AGAP3: variants seen among roughly 807,000 people sequenced by gnomAD.
AGAP3 encodes arf-GAP with GTPase, ANK repeat and PH domain-containing protein 3.
In AGAP3, 24 loss-of-function variants were observed where a neutral mutation model predicts 96.9. That is an observed-to-expected ratio of 0.25 (90% CI 0.18 to 0.35). The LOEUF is 0.35. AGAP3 is among the 10% of genes least tolerant of loss of function. AGAP3 has a pLI of 1.00. For missense variants in AGAP3, 876 were observed against 1,254.2 expected, an observed-to-expected ratio of 0.70 and a Z score of 4.55; for synonymous variants, 563 against 536.1, an observed-to-expected ratio of 1.05 and a Z score of -0.69.
chr7:151,139,776 A>G lies in AGAP3; in HGVS notation c.1667-203A>G. The G allele has an allele frequency of 2.3e-6, 1 of 427,542 alleles. No individual in the cohort carries two copies. Among genetic ancestry groups the G allele is most frequent in the Non-Finnish European group, 4.0e-6 (1 of 248,814 alleles). 26.5% of individuals were successfully genotyped at this position (427,542 alleles called of 1,614,324 possible). A position where few individuals can be genotyped will look rare whatever the true frequency, so the allele number is the denominator to read the frequency against. On this transcript the variant is annotated intron_variant, in intron 12 of 17. Coordinates refer to ENST00000397238, the MANE Select transcript of AGAP3 (RefSeq NM_031946.7). This position sits in a 1 kb window ranked among gnomAD's most constrained non-coding sequence, Gnocchi z 4.9. The stretch of plus-strand genomic sequence containing the variant: ...TGCCTAAGTTTCCTATTCTCTTTCC[A>G]CATTTTCCTCCTCCAAGGCTGGGGA...
chr7:151,131,771 G>A (rs549600756), intron 10 of AGAP3, among the ~76,000 whole-genome samples: 28 of 152,332 alleles, frequency 1.8e-4, no homozygotes, highest in Non-Finnish European at 3.2e-4. Flanking sequence ...AGTCCCCCCT[G>A]CAACTCTTCT....
Position 151,138,267 on chromosome 7 carries a change from G to A in AGAP3, c.1620G>A (p.Gln540=), listed in dbSNP as rs886663051. ...QRSCSVSSAD[Q]WSEATTSLPP... is the part of the protein sequence containing the mutation. ...CCTGCTCCGTTTCCAGCGCCGACCA[G>A]TGGAGTGAGGCCACCACTTCCCTGC... Residue 540 remains glutamine, a synonymous_variant, in exon 12 of 18, where the codon CAG becomes CAA. Coordinates refer to ENST00000397238, the MANE Select transcript of AGAP3 (RefSeq NM_031946.7). 6 of 1,612,870 alleles carry A rather than the reference G, an allele frequency of 3.7e-6. No individual in the cohort carries two copies. In the East Asian group the frequency reaches 1.1e-4, roughly 30 times the overall value.
In AGAP3 at chr7:151,086,915, C is replaced by A. The variant is rs766154681; in HGVS notation, c.174C>A (p.Pro58=). The A allele has an allele frequency of 5.1e-6, 8 of 1,582,182 alleles. No homozygotes were observed. The highest frequency in any genetic ancestry group is 2.4e-5 in the East Asian group (1 of 40,968). ...GPSQQLAGGP[P]QQFALSNSAA... Reference sequence around the variant, plus strand: ...CGCAGCAGCTGGCCGGCGGGCCCCCCCAGCAGTTCGCGCTCTCCAACTCCG... The same window carrying A: ...CGCAGCAGCTGGCCGGCGGGCCCCCACAGCAGTTCGCGCTCTCCAACTCCG... The change falls in exon 1 of 18, where the codon CCC becomes CCA. Residue 58 remains proline (P), a synonymous_variant. Coordinates refer to ENST00000397238, the MANE Select transcript of AGAP3 (RefSeq NM_031946.7).
intron 1 of AGAP3, among the ~76,000 whole-genome samples, chr7:151,092,807 T>C (rs1276329050): frequency 1.3e-5 from 2 of 152,190 alleles, no homozygotes; most frequent in Admixed American, 1.3e-4. Flanking sequence ...TTGCCTTGCA[T>C]GTATGGGCTG....
intron 9 of AGAP3, among the ~76,000 whole-genome samples, chr7:151,125,227 GACACACTTC>G (rs1350852101): frequency 6.6e-6 from 1 of 152,198 alleles, no homozygotes; most frequent in Admixed American, 6.5e-5. Context: ...TGGGTGTGTA[GACACACTTC>G]ACCGAATTCA....
chr7:151,116,891 G>GT (rs1563471612), intron 2 of AGAP3, 40 bp downstream of exon 2: 20 of 1,551,466 alleles, frequency 1.3e-5, no homozygotes, highest in East Asian at 2.3e-5. Flanking sequence ...GCCTGGAGCT[G>GT]GGGGGGCGAG....
intron 1 of AGAP3, among the ~76,000 whole-genome samples, chr7:151,098,527 C>T (rs1327491511): frequency 6.6e-6 from 1 of 151,952 alleles, no homozygotes; most frequent in African/African-American, 2.4e-5. Flanking sequence ...GTGGCGTGCG[C>T]CTATAGTCCC....
Position 151,120,262 on chromosome 7 carries a change from A to T in AGAP3, c.1128+117A>T, listed in dbSNP as rs1585080700. ...CCCAAGTCAGGAAGACGGTACCTGC[A>T]GTCTCTCCCTCAGATACACACGGCT... On this transcript the variant is annotated intron_variant, in intron 8 of 17. Transcript: ENST00000397238. The T allele has an allele frequency of 2.7e-6, 3 of 1,101,794 alleles. No individual in the cohort carries two copies. In the East Asian group the frequency reaches 7.5e-5, roughly 28 times the overall value. 68.3% of individuals were successfully genotyped at this position (1,101,794 alleles called of 1,614,324 possible). A position where few individuals can be genotyped will look rare whatever the true frequency, so the allele number is the denominator to read the frequency against.
Position 151,117,747 on chromosome 7 carries a change from G to A in AGAP3, c.676G>A (p.Glu226Lys). 1.2e-6 allele frequency: 2 copies of A among 1,614,136 alleles called. No homozygotes were observed. Among genetic ancestry groups the A allele is most frequent in the Non-Finnish European group, 1.7e-6 (2 of 1,180,012 alleles). Residue 226 changes from glutamate (E) to lysine (K), a missense_variant, in exon 5 of 18, where the codon GAG (glutamate) becomes AAG (lysine). Glu to Lys is a moderately conservative substitution (Grantham distance 56). Around this residue, in one of 8 missense-constraint regions of AGAP3, gnomAD observed 131 missense variants for 304.5 expected, o/e 0.43. Coordinates refer to ENST00000397238, the MANE Select transcript of AGAP3 (RefSeq NM_031946.7). ...LRLCSFRNAS[E>K]VPMVLVGTQD... ...TCTCTGCAGCTTCCGCAACGCCAGC[G>A]AGGTGCCCATGGTGCTTGTGGGCAC... is the stretch of plus-strand genomic sequence containing the variant.
intron 1 of AGAP3, among the ~76,000 whole-genome samples, chr7:151,103,974 C>G (rs984682769): frequency 6.6e-6 from 1 of 152,176 alleles, no homozygotes; most frequent in Non-Finnish European, 1.5e-5. Flanking sequence ...ACACCCGGTT[C>G]CTCCACGGGA....
chr7:151,089,122 C>T (rs1798278053), intron 1 of AGAP3, among the ~76,000 whole-genome samples: 2 of 151,870 alleles, frequency 1.3e-5, no homozygotes, highest in Admixed American at 6.6e-5. Context: ...CCACCTCACC[C>T]GTCTTGCGTT....
chr7:151,123,924 A>AT (rs1800043606), intron 9 of AGAP3, 38 bp downstream of exon 9: 1 of 1,585,170 alleles, frequency 6.3e-7, no homozygotes, highest in Non-Finnish European at 8.6e-7. Flanking sequence ...AGGGCTCAGA[A>AT]TGAGGCCCAG....
chr7:151,120,487 G>A (rs1216522510), intron 8 of AGAP3: 2 of 661,814 alleles, frequency 3.0e-6, no homozygotes, highest in South Asian at 3.0e-5. Context: ...GACTCACTTG[G>A]CCTAACTCCC....
intron 10 of AGAP3, among the ~76,000 whole-genome samples, chr7:151,130,626 G>A (rs1181320412): frequency 6.6e-6 from 1 of 152,104 alleles, no homozygotes; most frequent in Non-Finnish European, 1.5e-5. Context: ...TGCACTGTGC[G>A]AGTCTTAGAA....
chr7:151,142,374 G>A lies in AGAP3; in HGVS notation c.2051-38G>A. On this transcript the variant is annotated intron_variant, in intron 15 of 17. Coordinates refer to ENST00000397238, the MANE Select transcript of AGAP3 (RefSeq NM_031946.7). This position sits in a 1 kb window ranked among gnomAD's most constrained non-coding sequence, Gnocchi z 7.5. ...TAGTTGTCCCGCGCTCTGGTGGCCTGCCTGCTGTCGCTGTATCATTCTCCT... is the reference window on the plus strand; with the variant it reads ...TAGTTGTCCCGCGCTCTGGTGGCCTACCTGCTGTCGCTGTATCATTCTCCT... The A allele has an allele frequency of 3.1e-6, 5 of 1,603,106 alleles. No individual in the cohort carries two copies. The highest frequency in any genetic ancestry group is 4.3e-6 in the Non-Finnish European group (5 of 1,171,444).
chr7:151,123,206 GC>G, intron 8 of AGAP3: 1 of 1,076,478 alleles, frequency 9.3e-7, no homozygotes. Flanking sequence ...CGCCGCCGCC[GC>G]CGCGCTTGCC....
At position 151,142,072 on chromosome 7, in the gene AGAP3, G is replaced by A; in HGVS notation, c.1959+20G>A. ...GACAAGGTGGGTACAGAGTGACTGG[G>A]CCCACACAGAGCACCTGGCTGGGGT... On this transcript the variant is annotated intron_variant, in intron 14 of 17. Transcript: ENST00000397238. The surrounding 1 kb of genome is among the most constrained non-coding windows in gnomAD (Gnocchi z 7.5). 6.2e-7 allele frequency: 1 copy of A among 1,609,374 alleles called. No homozygotes were observed. The highest frequency in any genetic ancestry group is 8.5e-7 in the Non-Finnish European group (1 of 1,176,614).
Position 151,086,667 on chromosome 7 carries a change from G to T in AGAP3, c.-75G>T. 1.6e-5 allele frequency: 1 copy of T among 63,528 alleles called. No individual in the cohort carries two copies. Among genetic ancestry groups the T allele is most frequent in the Non-Finnish European group, 2.1e-5 (1 of 47,406 alleles). 3.9% of individuals were successfully genotyped at this position (63,528 alleles called of 1,614,324 possible). A position where few individuals can be genotyped will look rare whatever the true frequency, so the allele number is the denominator to read the frequency against. ...CGCCAGCCCCGCGCTCCCGCTCGCC[G>T]CTGCCGCCGCCGCCGCCGCCGCCGC... On this transcript the variant is annotated 5_prime_UTR_variant, in exon 1 of 18. Coordinates refer to ENST00000397238, the MANE Select transcript of AGAP3 (RefSeq NM_031946.7).
intron 1 of AGAP3, among the ~76,000 whole-genome samples, chr7:151,106,912 C>A (rs905940857): frequency 1.3e-5 from 2 of 152,242 alleles, no homozygotes; most frequent in African/African-American, 4.8e-5. Context: ...CACCTTCGCA[C>A]GTCTGCACCT....
Sources: gnomAD v4.1 joint callset for allele counts (sites outside exome capture counted in the v4.1 genomes callset) on GRCh38, gnomAD v4.1.1 for gene constraint, gnomAD v4.1.1 regional missense constraint, Gnocchi (gnomAD v3.1) non-coding constraint, MANE v1.5 for transcripts, NCBI Gene and HGNC (gene_info 2026-07-23, HGNC 2026-07-21) for gene names.